Variants in TRAF3IP1 observed in about 807,000 individuals in gnomAD.
The protein encoded by TRAF3IP1 is intraflagellar transport 54.
A neutral mutation model predicts 89.9 loss-of-function variants in TRAF3IP1; 53 were observed. That is an observed-to-expected ratio of 0.59 (90% confidence interval 0.47 to 0.74). The LOEUF is 0.74. Among genes scored for constraint, TRAF3IP1 ranks in the 30% least tolerant of loss-of-function variants. The pLI, the probability that TRAF3IP1 is intolerant of heterozygous loss-of-function variation, is 0.00. For synonymous variants in TRAF3IP1, 311 were observed against 322.1 expected (o/e 0.97, Z 0.37); for missense variants, 806 against 866.1 (o/e 0.93, Z 0.87).
chr2:238,364,092 A>G (rs1017151285), intron 15 of TRAF3IP1, among the ~76,000 whole-genome samples: 3 of 152,198 alleles, frequency 2.0e-5, no homozygotes, highest in Admixed American at 6.5e-5. Context: ...AATACAAAAC[A>G]GGTGTTTTCT....
intron 9 of TRAF3IP1, 50 bp downstream of exon 9, chr2:238,344,648 TC>T: frequency 6.6e-7 from 1 of 1,514,214 alleles, no homozygotes; most frequent in Non-Finnish European, 9.2e-7. Flanking sequence ...GAGTGAGCCC[TC>T]CAGAACCTTC....
At chr2:238,371,473 C>G (rs1028892042) in intron 15 of TRAF3IP1, among the ~76,000 whole-genome samples, 1 of 152,150 alleles carries the variant, frequency 6.6e-6, no homozygotes, top group African/African-American at 2.4e-5. Flanking sequence ...ACCCAAGATT[C>G]TTACTATTTA....
chr2:238,335,063 C>T (rs888201706), intron 7 of TRAF3IP1, among the ~76,000 whole-genome samples: 27 of 152,310 alleles, frequency 1.8e-4, no homozygotes, highest in East Asian at 1.9e-4. Context: ...TTTGCTTGCA[C>T]GTGCTGTATG....
At chr2:238,353,427 G>T (rs1157772118) in intron 14 of TRAF3IP1, among the ~76,000 whole-genome samples, 1 of 152,124 alleles carries the variant, frequency 6.6e-6, no homozygotes, top group Non-Finnish European at 1.5e-5. Context: ...GGAGGGGGAG[G>T]GCACAGTTGG....
At chr2:238,365,971 C>T (rs1213827111) in intron 15 of TRAF3IP1, among the ~76,000 whole-genome samples, 3 of 152,166 alleles carry the variant, frequency 2.0e-5, no homozygotes, top group Admixed American at 6.5e-5. Context: ...ACCGGCTGGG[C>T]GCAGTGGCTC....
rs374191334 is a variant in TRAF3IP1, at chr2:238,332,804, ATTT to A, written c.916-8_916-6del. On this transcript the variant is annotated splice_polypyrimidine_tract_variant and intron_variant, in intron 5 of 16. Transcript: ENST00000373327. ...GGATTGGAATAATTCTAAAGTTTGA[ATTT>A]TTTTTTTTTTTAATAGTCAGCAAGC... 20 of 1,220,668 alleles carry A rather than the reference ATTT, an allele frequency of 1.6e-5. No individual in the cohort carries two copies. Among genetic ancestry groups the A allele is most frequent in the South Asian group, 2.8e-5 (2 of 70,612 alleles). 75.6% of individuals were successfully genotyped at this position (1,220,668 alleles called of 1,614,324 possible).
chr2:238,351,834 GGTGTGTGTGTGTGTGTGT>G lies in TRAF3IP1; in HGVS notation c.1452-977_1452-960del, dbSNP rs10527993. ...TGGCACTGAAGCAAGGGAGGATTTT[GGTGTGTGTGTGTGTGTGT>G]GTGTGTGTGTGTGTGCGCGCGCGCG... On this transcript the variant is annotated intron_variant, in intron 12 of 16. Transcript: ENST00000373327. The surrounding 1 kb of genome is among the most constrained non-coding windows in gnomAD (Gnocchi z 5.2). Among the ~76,000 whole-genome samples, 8 of 140,966 alleles carry G rather than the reference GGTGTGTGTGTGTGTGTGT, an allele frequency of 5.7e-5. No individual in the cohort carries two copies. The highest frequency in any genetic ancestry group is 2.1e-4 in the African/African-American group (8 of 38,024). The allele number at this position is 140,966 out of a possible 152,430, so 92.5% of individuals were successfully genotyped here.
intron 15 of TRAF3IP1, among the ~76,000 whole-genome samples, chr2:238,370,565 C>T (rs769117221): frequency 7.2e-5 from 11 of 152,162 alleles, no homozygotes; most frequent in East Asian, 1.9e-4. Flanking sequence ...CTCCCTACCC[C>T]GGGCTCTCCC....
intron 15 of TRAF3IP1, among the ~76,000 whole-genome samples, chr2:238,370,043 C>G (rs1700041371): frequency 6.6e-6 from 1 of 152,180 alleles, no homozygotes; most frequent in African/African-American, 2.4e-5. Context: ...CAGAATCAGC[C>G]ATTTCCCCAG....
intron 1 of TRAF3IP1, among the ~76,000 whole-genome samples, chr2:238,322,601 T>A (rs1296938379): frequency 6.7e-6 from 1 of 149,204 alleles, no homozygotes; most frequent in Non-Finnish European, 1.5e-5. Flanking sequence ...GTAGGGAAGA[T>A]TGCTTGAGCC....
chr2:238,355,828 G>A (rs147784064), intron 14 of TRAF3IP1, among the ~76,000 whole-genome samples, 176 bp from the exon 15 acceptor site: 1 of 152,128 alleles, frequency 6.6e-6, no homozygotes, highest in Non-Finnish European at 1.5e-5. Context: ...TCCACTACCA[G>A]CTGTCTATCA....
chr2:238,389,269 G>T (rs1700900795), intron 15 of TRAF3IP1, among the ~76,000 whole-genome samples: 1 of 151,950 alleles, frequency 6.6e-6, no homozygotes, highest in African/African-American at 2.4e-5. Flanking sequence ...AGATTTGGGG[G>T]TACATGGGCA....
Position 238,325,827 on chromosome 2 carries a change from A to G in TRAF3IP1, c.211A>G (p.Ser71Gly). 6.2e-7 allele frequency: 1 copy of G among 1,612,088 alleles called. No individual in the cohort carries two copies. Among genetic ancestry groups the G allele is most frequent in the Non-Finnish European group, 8.5e-7 (1 of 1,179,464 alleles). The part of the protein sequence containing the change: ...DNVKDKDAKI[S>G]FLQKAIDVVV... ...GTTTCAGGATAAAGATGCAAAAATT[A>G]GCTTCCTACAAAAGGCCATAGACGT... The change falls in exon 3 of 17, where the codon AGC becomes GGC. Residue 71 changes from serine (S) to glycine (G), a missense_variant. Around this residue, in one of 3 missense-constraint regions of TRAF3IP1, gnomAD observed 732 missense variants for 780.5 expected, o/e 0.94. Coordinates refer to ENST00000373327, the MANE Select transcript of TRAF3IP1 (RefSeq NM_015650.4).
intron 15 of TRAF3IP1, among the ~76,000 whole-genome samples, chr2:238,369,904 G>A (rs1014288130): frequency 2.6e-5 from 4 of 152,108 alleles, no homozygotes; most frequent in East Asian, 3.9e-4. Flanking sequence ...ATTTTCATGC[G>A]CAGATGGCCT....
chr2:238,364,338 A>G (rs1299809133), intron 15 of TRAF3IP1, among the ~76,000 whole-genome samples: 1 of 151,998 alleles, frequency 6.6e-6, no homozygotes, highest in Non-Finnish European at 1.5e-5. Context: ...CATTATCCTG[A>G]CTTTTTTGCT....
intron 7 of TRAF3IP1, among the ~76,000 whole-genome samples, chr2:238,334,502 G>GA (rs142730750): frequency 0.059 from 9,028 of 152,318 alleles, 380 homozygotes; most frequent in Non-Finnish European, 0.081. Flanking sequence ...GCGGTCCGCT[G>GA]AAGGATAGTA....
chr2:238,392,299 G>T (rs1701026676), intron 15 of TRAF3IP1, among the ~76,000 whole-genome samples: 1 of 152,116 alleles, frequency 6.6e-6, no homozygotes, highest in African/African-American at 2.4e-5. Context: ...ATAGTACATT[G>T]TCAACCAGGA....
intron 15 of TRAF3IP1, among the ~76,000 whole-genome samples, chr2:238,366,626 A>G (rs1044280195): frequency 2.0e-5 from 3 of 152,152 alleles, no homozygotes; most frequent in African/African-American, 7.2e-5. Context: ...TGAAATTCAT[A>G]TTATGTCCTC....
At chr2:238,389,863 A>G (rs1433588155) in intron 15 of TRAF3IP1, among the ~76,000 whole-genome samples, 1 of 152,122 alleles carries the variant, frequency 6.6e-6, no homozygotes, top group Non-Finnish European at 1.5e-5. Context: ...CTTATAATCA[A>G]TAACTATAAA....
Sources: gnomAD v4.1 joint callset for allele counts (sites outside exome capture counted in the v4.1 genomes callset) on GRCh38, gnomAD v4.1.1 for gene constraint, gnomAD v4.1.1 regional missense constraint, Gnocchi (gnomAD v3.1) non-coding constraint, MANE v1.5 for transcripts, NCBI Gene and HGNC (gene_info 2026-07-23, HGNC 2026-07-21) for gene names.